The following FAT1 variants were observed in gnomAD, a reference collection of about 807,000 sequenced individuals.
The protein encoded by FAT1 is FAT atypical cadherin 1, also known as protocadherin Fat 1.
Under a neutral mutation model 329.8 loss-of-function variants are expected in FAT1, and 171 were observed. That is an observed-to-expected ratio of 0.52 (90% CI 0.46 to 0.59). The LOEUF (loss-of-function observed/expected upper bound fraction) is 0.59, where lower values mean the gene tolerates loss of function less well. Ranked by LOEUF, FAT1 falls within the 20% of genes least tolerant of loss-of-function variation. The pLI, the probability that FAT1 is intolerant of heterozygous loss-of-function variation, is 0.00. For synonymous variants in FAT1, 2,233 were observed against 2,228.6 expected, an observed-to-expected ratio of 1.00 and a Z score of -0.06; for missense variants, 5,672 against 5,774.4, an observed-to-expected ratio of 0.98 and a Z score of 0.57.
intron 7 of FAT1, among the ~76,000 whole-genome samples, chr4:186,631,881 A>C (rs1740613988): frequency 4.8e-5 from 7 of 146,822 alleles, no homozygotes; most frequent in Admixed American, 1.4e-4. Context: ...CAGCTGCTGC[A>C]CCCCCCTCCC....
In FAT1 at chr4:186,619,303, G is replaced by T. The variant is rs2126504149; in HGVS notation, c.7283C>A (p.Ser2428Tyr). The change falls in exon 10 of 27, where the codon TCC becomes TAC. Residue 2428 changes from serine (S) to tyrosine (Y), a missense_variant. Coordinates refer to ENST00000441802, the MANE Select transcript of FAT1 (RefSeq NM_005245.4). ...DSSDIDKLQY[S>Y]ILSGNDHKHF... is the part of the protein sequence containing the mutation. ...TTTATGATCATTGCCAGACAGAATGGAATACTGCAACTTGTCTATGTCTGA... is the reference window on the plus strand; with the variant it reads ...TTTATGATCATTGCCAGACAGAATGTAATACTGCAACTTGTCTATGTCTGA... 6.2e-7 allele frequency: 1 copy of T among 1,614,036 alleles called. No homozygotes were observed. The highest frequency in any genetic ancestry group is 8.5e-7 in the Non-Finnish European group (1 of 1,179,894).
rs762709565 is a variant in FAT1, at chr4:186,598,012, C to G, written c.12217G>C (p.Gly4073Arg). The change falls in exon 23 of 27, where the codon GGC becomes CGC. Residue 4073 changes from glycine to arginine, a missense_variant. Coordinates refer to ENST00000441802, the MANE Select transcript of FAT1 (RefSeq NM_005245.4). Reference sequence around the variant, plus strand: ...AATCCTCTACACTGGCAAACAAAGCCTCCGTTGTCGACAACACACGTGCCC... The same window carrying G: ...AATCCTCTACACTGGCAAACAAAGCGTCCGTTGTCGACAACACACGTGCCC... ...YGGTCVVDNG[G>R]FVCQCRGLYT... is the part of the protein sequence containing the mutation. 3.1e-6 allele frequency: 5 copies of G among 1,613,260 alleles called. No homozygotes were observed. The highest frequency in any genetic ancestry group is 3.4e-6 in the Non-Finnish European group (4 of 1,179,774).
Position 186,612,844 on chromosome 4 carries a change from T to G in FAT1, c.9463+265A>C, listed in dbSNP as rs72716255. Among the ~76,000 whole-genome samples the G allele has an allele frequency of 0.22, 32,836 of 152,190 alleles. 4,495 individuals carry two copies. Among genetic ancestry groups the G allele is most frequent in the Non-Finnish European group, 0.31 (21,036 of 67,976 alleles). Reference sequence around the variant, plus strand: ...ACAAAATAACACATCACTGATTAATTCAATGGGATGTGAAGATCAGTTAAT... The same window carrying G: ...ACAAAATAACACATCACTGATTAATGCAATGGGATGTGAAGATCAGTTAAT... On this transcript the variant is annotated intron_variant, in intron 13 of 26. Transcript: ENST00000441802.
In FAT1 at chr4:186,617,324, GAATT is replaced by G. The variant is rs972920820; in HGVS notation, c.8879-127_8879-124del. The G allele has an allele frequency of 6.6e-5, 48 of 731,682 alleles. 1 individual carries two copies. The highest frequency in any genetic ancestry group is 3.9e-4 in the Middle Eastern group (1 of 2,548). The allele number at this position is 731,682 out of a possible 1,614,324, so 45.3% of individuals were successfully genotyped here. Reference sequence around the variant, plus strand: ...AGTTTAAAAGAATTGAGTATTAAAAGAATTAATTTGGCATATATTAGCCTTCCAA... The same window carrying G: ...AGTTTAAAAGAATTGAGTATTAAAAGAATTTGGCATATATTAGCCTTCCAA... On this transcript the variant is annotated intron_variant, in intron 10 of 26. Transcript: ENST00000441802.
At chr4:186,713,201 C>T (rs1292138294) in intron 1 of FAT1, among the ~76,000 whole-genome samples, 1 of 152,020 alleles carries the variant, frequency 6.6e-6, no homozygotes, top group Non-Finnish European at 1.5e-5. Context: ...TTCCAAGACA[C>T]CACCTTACAT....
At chr4:186,589,845 A>G (rs1738152701) in intron 26 of FAT1, among the ~76,000 whole-genome samples, 1 of 152,228 alleles carries the variant, frequency 6.6e-6, no homozygotes, top group Admixed American at 6.5e-5. Context: ...GCAACTTTTT[A>G]AAGTAATAAA....
chr4:186,597,155 C>T lies in FAT1; in HGVS notation c.12385G>A (p.Asp4129Asn), dbSNP rs191917852. 9 of 1,608,064 alleles carry T rather than the reference C, an allele frequency of 5.6e-6. No homozygotes were observed. The highest frequency in any genetic ancestry group is 4.5e-5 in the East Asian group (2 of 44,804). ...FRGERCQSDI[D>N]ECSGNPCLHG... ...AGGCAAGGGTTTCCAGAGCACTCGTCGATATCACTCTGACACCTGCCAAGG... is the reference window on the plus strand; with the variant it reads ...AGGCAAGGGTTTCCAGAGCACTCGTTGATATCACTCTGACACCTGCCAAGG... The change falls in exon 25 of 27, where the codon GAC becomes AAC. Residue 4129 changes from aspartate (D) to asparagine (N), a missense_variant. Physicochemically the swap from Asp to Asn is conservative, Grantham distance 23 (BLOSUM62 1). This residue lies in a region of FAT1 where 1,706 missense variants were observed against 1,859.1 expected (regional missense o/e 0.92). Transcript: ENST00000441802.
Position 186,619,456 on chromosome 4 carries a change from G to A in FAT1, c.7130C>T (p.Thr2377Met), listed in dbSNP as rs201363601. ...MPTLSSDVIV[T>M]VDVTDLNDNP... ...ATCATTGAGGTCGGTAACGTCCACC[G>A]TGACAATCACATCACTGCTCAGCGT... Residue 2377 changes from threonine to methionine, a missense_variant, in exon 10 of 27, where the codon ACG (threonine) becomes ATG (methionine). Coordinates refer to ENST00000441802, the MANE Select transcript of FAT1 (RefSeq NM_005245.4). The A allele has an allele frequency of 9.2e-4, 1,485 of 1,613,970 alleles. 1 individual carries two copies. The highest frequency in any genetic ancestry group is 1.4e-3 in the East Asian group (62 of 44,884).
intron 4 of FAT1, 94 bp downstream of exon 4, chr4:186,639,628 G>C (rs2126570653): frequency 1.2e-6 from 1 of 814,618 alleles, no homozygotes; most frequent in Non-Finnish European, 2.0e-6. Context: ...AATATTAATA[G>C]CTAAGAATAC....
chr4:186,667,561 A>T (rs188332738), intron 2 of FAT1, among the ~76,000 whole-genome samples: 2 of 152,210 alleles, frequency 1.3e-5, no homozygotes, highest in African/African-American at 4.8e-5. Context: ...TAAGATAAAA[A>T]ATCACTGAAT....
rs2126488528 is a variant in FAT1, at chr4:186,617,842, G to A, written c.8744C>T (p.Pro2915Leu). 6.2e-7 allele frequency: 1 copy of A among 1,613,778 alleles called. No individual in the cohort carries two copies. The highest frequency in any genetic ancestry group is 8.5e-7 in the Non-Finnish European group (1 of 1,179,838). The part of the protein sequence containing the change: ...DVTVTDVNDS[P>L]PRFTAEIYKG... ...ATAGATCTCGGCCGTGAATCGTGGT[G>A]GACTATCGTTGACATCGGTGACGGT... is the stretch of plus-strand genomic sequence containing the variant. Residue 2915 changes from proline (P) to leucine (L), a missense_variant, in exon 10 of 27, where the codon CCA (proline) becomes CTA (leucine). Coordinates refer to ENST00000441802, the MANE Select transcript of FAT1 (RefSeq NM_005245.4).
chr4:186,593,771 C>G (rs748081991), intron 26 of FAT1, among the ~76,000 whole-genome samples: 14 of 152,112 alleles, frequency 9.2e-5, no homozygotes, highest in Admixed American at 7.9e-4. Context: ...CCCTACTGAT[C>G]GCATGACTTA....
chr4:186,695,759 A>AC (rs1314401955), intron 2 of FAT1, among the ~76,000 whole-genome samples: 6 of 109,118 alleles, frequency 5.5e-5, no homozygotes, highest in Admixed American at 2.0e-4. Flanking sequence ...ATTATATATA[A>AC]AACACACACA....
At chr4:186,693,884 T>C (rs1743909466) in intron 2 of FAT1, among the ~76,000 whole-genome samples, 1 of 152,174 alleles carries the variant, frequency 6.6e-6, no homozygotes, top group Non-Finnish European at 1.5e-5. Context: ...CTAACAGCCA[T>C]CTCCACATTC....
intron 3 of FAT1, among the ~76,000 whole-genome samples, chr4:186,660,919 G>T (rs943402960): frequency 6.6e-6 from 1 of 152,068 alleles, no homozygotes; most frequent in African/African-American, 2.4e-5. Flanking sequence ...ATTATGCCCA[G>T]ACCTATGCCA....
In FAT1 at chr4:186,619,421, G is replaced by A. The variant is rs2126505407; in HGVS notation, c.7165C>T (p.Leu2389Phe). The A allele has an allele frequency of 1.2e-6, 2 of 1,614,044 alleles. No individual in the cohort carries two copies. The highest frequency in any genetic ancestry group is 2.2e-5 in the South Asian group (2 of 91,082). The change falls in exon 10 of 27, where the codon CTC becomes TTC. Residue 2389 changes from leucine to phenylalanine, a missense_variant. Transcript: ENST00000441802. The part of the protein sequence containing the change: ...DVTDLNDNPP[L>F]FEQQIYEARI... ...GCTTCATAAATCTGTTGTTCAAAGA[G>A]TGGTGGATTATCATTGAGGTCGGTA... is the stretch of plus-strand genomic sequence containing the variant.
chr4:186,618,337 G>C lies in FAT1; in HGVS notation c.8249C>G (p.Ser2750Cys), dbSNP rs2126493900. Residue 2750 changes from serine to cysteine, a missense_variant, in exon 10 of 27, where the codon TCC becomes TGC. By Grantham distance (112) the Ser-to-Cys change is moderately radical. Coordinates refer to ENST00000441802, the MANE Select transcript of FAT1 (RefSeq NM_005245.4). ...CCCGCTCTGTCTGTCAATCACAAAG[G>C]ACTCATCCCTATTGCTTTCTGGAGT... ...GNTPESNRDE[S>C]FVIDRQSGRL... 6.2e-7 allele frequency: 1 copy of C among 1,613,944 alleles called. No homozygotes were observed. The highest frequency in any genetic ancestry group is 8.5e-7 in the Non-Finnish European group (1 of 1,179,886).
At chr4:186,721,780 A>C (rs775905558) in intron 1 of FAT1, among the ~76,000 whole-genome samples, 1 of 152,240 alleles carries the variant, frequency 6.6e-6, no homozygotes, top group Admixed American at 6.5e-5. Flanking sequence ...GTCTAAAGGC[A>C]ATGGAAAGGT....
chr4:186,602,229 C>A (rs1351600056), intron 20 of FAT1, among the ~76,000 whole-genome samples: 2 of 152,040 alleles, frequency 1.3e-5, no homozygotes, highest in Non-Finnish European at 2.9e-5. Context: ...GAGAGTGAAA[C>A]CTTCATACAT....
Sources: allele counts gnomAD v4.1 joint callset (sites outside exome capture counted in the v4.1 genomes callset), GRCh38; gene constraint gnomAD v4.1.1; regional missense constraint gnomAD v4.1.1; transcripts MANE v1.5; gene names NCBI Gene and HGNC (gene_info 2026-07-23, HGNC 2026-07-21).